Variants in RAMP3 observed in about 807,000 individuals in gnomAD.
RAMP3 encodes the protein receptor activity modifying protein 3, also known as receptor activity-modifying protein 3.
In RAMP3, 14 loss-of-function variants were observed where a neutral mutation model predicts 13.5. The observed-to-expected ratio is 1.04, with a 90% CI of 0.69 to 1.63. The LOEUF (loss-of-function observed/expected upper bound fraction) is 1.63, where lower values mean the gene tolerates loss of function less well. RAMP3 is among the 40% of genes most tolerant of loss of function. The probability of loss-of-function intolerance (pLI) is 0.00; values close to 1 mark genes in which losing one functional copy is unlikely to be tolerated. For synonymous variants in RAMP3, 106 were observed against 88.3 expected (o/e 1.20, Z -1.12); for missense variants, 200 against 204.8 (o/e 0.98, Z 0.14).
intron 1 of RAMP3, among the ~76,000 whole-genome samples, chr7:45,169,587 G>T (rs11763766): frequency 0.26 from 39,926 of 152,084 alleles, 6,364 homozygotes; most frequent in African/African-American, 0.44. Flanking sequence ...GAAGAACCCA[G>T]GTGCTGGGCA....
In RAMP3 at chr7:45,170,441, G is replaced by A. The variant is rs113115167; in HGVS notation, c.59-6868G>A. 8.5e-3 allele frequency among the ~76,000 whole-genome samples: 1,292 copies of A among 151,268 alleles called. 12 individuals are homozygous for A. The highest frequency in any genetic ancestry group is 0.013 in the Non-Finnish European group (866 of 67,838). On this transcript the variant is annotated intron_variant, in intron 1 of 2. Transcript: ENST00000242249. ...CAACCTCTGCCTCCTGGGTTCAAGC[G>A]ATTCTCCTGCCTCAGCCTCTCGAGT...
At chr7:45,158,854 C>T (rs1043704673) in intron 1 of RAMP3, among the ~76,000 whole-genome samples, 6 of 152,170 alleles carry the variant, frequency 3.9e-5, no homozygotes, top group East Asian at 1.9e-4. Context: ...TGTGTGGCTT[C>T]ATTTGGTGTT....
chr7:45,166,394 GCATTT>G lies in RAMP3; in HGVS notation c.58+8510_58+8514del, dbSNP rs1785962301. 1.3e-5 allele frequency among the ~76,000 whole-genome samples: 2 copies of G among 152,088 alleles called. 1 individual carries two copies. The highest frequency in any genetic ancestry group is 4.2e-4 in the South Asian group (2 of 4,812). ...GTGGTATGTGATTGTGGTTTGATTT[GCATTT>G]CCCTGATGGTTAATGATGTTGATTG... On this transcript the variant is annotated intron_variant, in intron 1 of 2. Coordinates refer to ENST00000242249, the MANE Select transcript of RAMP3 (RefSeq NM_005856.3).
intron 1 of RAMP3, chr7:45,164,008 A>G: frequency 3.8e-6 from 2 of 527,172 alleles, no homozygotes; most frequent in Non-Finnish European, 4.9e-6. Flanking sequence ...TTTCTATTAG[A>G]CTTTAAATAA....
At chr7:45,172,927 A>G (rs1246088467) in intron 1 of RAMP3, among the ~76,000 whole-genome samples, 1 of 152,116 alleles carries the variant, frequency 6.6e-6, no homozygotes, top group African/African-American at 2.4e-5. Context: ...CTTGCTTATG[A>G]CTTCTCAGAG....
chr7:45,167,805 C>G (rs1211539848), intron 1 of RAMP3, among the ~76,000 whole-genome samples: 1 of 151,828 alleles, frequency 6.6e-6, no homozygotes, highest in Non-Finnish European at 1.5e-5. Context: ...AGGCTGGTCT[C>G]CAACTCCCGA....
intron 1 of RAMP3, among the ~76,000 whole-genome samples, chr7:45,162,607 A>C (rs1032774086): frequency 1.3e-5 from 2 of 152,150 alleles, no homozygotes; most frequent in African/African-American, 4.8e-5. Flanking sequence ...ACAGGGTTTC[A>C]GTCTTTAAGT....
At position 45,157,896 on chromosome 7, in the gene RAMP3, C is replaced by T. The variant is rs552140397; in HGVS notation, c.58+10C>T. On this transcript the variant is annotated intron_variant, in intron 1 of 2. Transcript: ENST00000242249. ...CTGCTGCTGCTCTGCGGTAAGGGGG[C>T]GACGGCCCGCACCGGGGGCGCCCCC... is the stretch of plus-strand genomic sequence containing the variant. 2 of 1,358,432 alleles carry T rather than the reference C, an allele frequency of 1.5e-6. No homozygotes were observed. The highest frequency in any genetic ancestry group is 1.9e-6 in the Non-Finnish European group (2 of 1,060,710). The allele number at this position is 1,358,432 out of a possible 1,614,324, so 84.1% of individuals were successfully genotyped here.
chr7:45,162,838 G>C (rs1785890329), intron 1 of RAMP3, among the ~76,000 whole-genome samples: 1 of 152,194 alleles, frequency 6.6e-6, no homozygotes, highest in African/African-American at 2.4e-5. Flanking sequence ...CAGGGGCAGA[G>C]CCGAGGTGAG....
chr7:45,178,078 C>A (rs1478902401), intron 2 of RAMP3, among the ~76,000 whole-genome samples: 3 of 152,056 alleles, frequency 2.0e-5, no homozygotes, highest in Non-Finnish European at 2.9e-5. Context: ...GGATGCCTTG[C>A]CTGGAGGGTG....
chr7:45,160,338 A>AAAAAAAAAAAAAAAAAAAAAAAAAAAC (rs1785841257), intron 1 of RAMP3, among the ~76,000 whole-genome samples: 1 of 87,662 alleles, frequency 1.1e-5, no homozygotes, highest in Non-Finnish European at 2.2e-5. Flanking sequence ...CTCAAAAAAA[A>AAAAAAAAAAAAAAAAAAAAAAAAAAAC]AAAAAAAAAA....
intron 2 of RAMP3, among the ~76,000 whole-genome samples, chr7:45,182,581 C>T (rs898837748): frequency 6.6e-6 from 1 of 152,162 alleles, no homozygotes; most frequent in Non-Finnish European, 1.5e-5. Context: ...GGGGGCTCCA[C>T]ATGTCCTGCT....
intron 1 of RAMP3, among the ~76,000 whole-genome samples, chr7:45,172,876 G>C (rs181412158): frequency 1.2e-4 from 19 of 152,272 alleles, no homozygotes; most frequent in Admixed American, 1.2e-3. Context: ...GGTCCATCCA[G>C]GTCATGTGAA....
chr7:45,163,184 G>C (rs1179305403), intron 1 of RAMP3: 43 of 985,310 alleles, frequency 4.4e-5, no homozygotes, highest in Non-Finnish European at 5.1e-5. Flanking sequence ...TGAGCCTATT[G>C]TGCAGTTGAC....
intron 2 of RAMP3, among the ~76,000 whole-genome samples, chr7:45,178,503 T>C (rs1358558564): frequency 6.6e-6 from 1 of 152,242 alleles, no homozygotes; most frequent in Non-Finnish European, 1.5e-5. Flanking sequence ...GCCCTGGCCA[T>C]TCTAGTGGCC....
chr7:45,168,270 C>T (rs564368708), intron 1 of RAMP3, among the ~76,000 whole-genome samples: 20 of 151,914 alleles, frequency 1.3e-4, no homozygotes, highest in African/African-American at 4.6e-4. Flanking sequence ...GGCATGGTGG[C>T]AGGTGCCTGT....
intron 1 of RAMP3, among the ~76,000 whole-genome samples, chr7:45,174,606 G>C (rs984301998): frequency 1.5e-4 from 23 of 152,066 alleles, no homozygotes; most frequent in African/African-American, 5.6e-4. Context: ...ATGCAGCCCT[G>C]GTCATGTCCC....
Position 45,180,101 on chromosome 7 carries a change from T to C in RAMP3, c.191+2660T>C, listed in dbSNP as rs1318881029. Among the ~76,000 whole-genome samples the C allele has an allele frequency of 2.0e-5, 3 of 152,250 alleles. No homozygotes were observed. In the East Asian group the frequency reaches 5.8e-4, roughly 29 times the overall value. ...CTCCAGCATCTGATTCCCACATACC[T>C]TTCTCAAGCTCTGGCGGCTGTGCGC... On this transcript the variant is annotated intron_variant, in intron 2 of 2. Coordinates refer to ENST00000242249, the MANE Select transcript of RAMP3 (RefSeq NM_005856.3).
chr7:45,159,256 A>C (rs1785820533), intron 1 of RAMP3, among the ~76,000 whole-genome samples: 1 of 152,212 alleles, frequency 6.6e-6, no homozygotes, highest in South Asian at 2.1e-4. Flanking sequence ...GCTTCTCAGC[A>C]GACCCTCCCA....
Sources: gnomAD v4.1 joint callset for allele counts (sites outside exome capture counted in the v4.1 genomes callset) on GRCh38, gnomAD v4.1.1 for gene constraint, MANE v1.5 for transcripts, NCBI Gene and HGNC (gene_info 2026-07-23, HGNC 2026-07-21) for gene names.